The following DYM variants were observed in gnomAD, a reference collection of about 807,000 sequenced individuals.
DYM encodes dyggve-Melchior-Clausen syndrome protein.
A neutral mutation model predicts 93.1 loss-of-function variants in DYM; 78 were observed. The ratio of observed to expected loss-of-function variants is 0.84; its 90% CI spans 0.70 to 1.01. The LOEUF (loss-of-function observed/expected upper bound fraction) is 1.01, where lower values mean the gene tolerates loss of function less well. Among genes scored for constraint, DYM ranks in the 50% least tolerant of loss-of-function variants. DYM has a pLI of 0.00. For synonymous variants in DYM, 321 were observed against 319.7 expected, an observed-to-expected ratio of 1.00 and a Z score of -0.04; for missense variants, 789 against 845.0, an observed-to-expected ratio of 0.93 and a Z score of 0.82.
chr18:49,130,845 T>C (rs1313002316), intron 15 of DYM, among the ~76,000 whole-genome samples: 1 of 152,108 alleles, frequency 6.6e-6, no homozygotes, highest in East Asian at 1.9e-4. Flanking sequence ...GCACTTGGAA[T>C]AGGGTTGGGG....
intron 12 of DYM, 40 bp downstream of exon 12, chr18:49,258,340 C>T (rs1598945645): frequency 7.3e-7 from 1 of 1,362,236 alleles, no homozygotes; most frequent in East Asian, 2.3e-5. Context: ...CTTAATTGTA[C>T]TGTATGCAAA....
rs1194787137 is a variant in DYM, at chr18:49,166,999, T to C, written c.1626-3212A>G. 3.8e-4 allele frequency among the ~76,000 whole-genome samples: 32 copies of C among 84,938 alleles called. No individual in the cohort carries two copies. In the South Asian group the frequency reaches 6.5e-3, roughly 17 times the overall value. The allele number at this position is 84,938 out of a possible 152,430, so 55.7% of individuals were successfully genotyped here. ...TTCATTCTCACATTCCGTGTGTGTGTGTGTGTGTGTGTGTGTGTGTGTGTG... is the reference window on the plus strand; with the variant it reads ...TTCATTCTCACATTCCGTGTGTGTGCGTGTGTGTGTGTGTGTGTGTGTGTG... On this transcript the variant is annotated intron_variant, in intron 14 of 17. Transcript: ENST00000675505.
chr18:49,408,909 C>CA (rs1048389348), intron 2 of DYM, among the ~76,000 whole-genome samples: 3 of 152,142 alleles, frequency 2.0e-5, no homozygotes, highest in Admixed American at 1.3e-4. Flanking sequence ...TCTGGCATAA[C>CA]AAACGGCTCT....
intron 14 of DYM, among the ~76,000 whole-genome samples, chr18:49,185,280 G>A (rs944406999): frequency 6.6e-6 from 1 of 152,092 alleles, no homozygotes; most frequent in African/African-American, 2.4e-5. Context: ...AGCAACAACA[G>A]AACCTATCTG....
chr18:49,083,479 C>G (rs1001561231), intron 17 of DYM, among the ~76,000 whole-genome samples: 4 of 152,070 alleles, frequency 2.6e-5, no homozygotes, highest in African/African-American at 9.7e-5. Flanking sequence ...CCTGTGATGT[C>G]TCTGTCTGAT....
intron 2 of DYM, among the ~76,000 whole-genome samples, chr18:49,421,797 G>C (rs1056982767): frequency 1.2e-4 from 19 of 152,204 alleles, no homozygotes; most frequent in African/African-American, 4.3e-4. Flanking sequence ...AAACCGCATA[G>C]AGAAGCCCTT....
At chr18:49,140,207 TACAC>T (rs952453837) in intron 15 of DYM, among the ~76,000 whole-genome samples, 4 of 151,948 alleles carry the variant, frequency 2.6e-5, no homozygotes, top group Non-Finnish European at 5.9e-5. Context: ...CACACACACA[TACAC>T]ACACACAGTT....
At chr18:49,349,274 A>C (rs193161487) in intron 6 of DYM, among the ~76,000 whole-genome samples, 18 of 152,306 alleles carry the variant, frequency 1.2e-4, no homozygotes, top group Admixed American at 2.6e-4. Context: ...TAACTTAAAT[A>C]CTATACTGTA....
chr18:49,388,771 T>C lies in DYM; in HGVS notation c.193+2822A>G, dbSNP rs369385663. 1.4e-4 allele frequency among the ~76,000 whole-genome samples: 21 copies of C among 152,076 alleles called. No individual in the cohort carries two copies. The South Asian group carries it at 4.1e-3, about 30-fold the overall frequency. On this transcript the variant is annotated intron_variant, in intron 3 of 17. Coordinates refer to ENST00000675505, the MANE Select transcript of DYM (RefSeq NM_001353214.3). ...AGCAACAATAAGGTTGACTGCTTTCTTCACAACAAAAACAAGAAAAGCTAG... is the reference window on the plus strand; with the variant it reads ...AGCAACAATAAGGTTGACTGCTTTCCTCACAACAAAAACAAGAAAAGCTAG...
chr18:49,447,566 T>G (rs1438789229), intron 1 of DYM: 1 of 152,334 alleles, frequency 6.6e-6, no homozygotes, highest in East Asian at 1.9e-4. Context: ...ATGGAGGACT[T>G]AGCTGTCGTG....
intron 1 of DYM, among the ~76,000 whole-genome samples, chr18:49,458,630 A>G (rs550294627): frequency 6.6e-6 from 1 of 152,242 alleles, no homozygotes; most frequent in African/African-American, 2.4e-5. Context: ...TGAACTCAGG[A>G]GTTCGTGACC....
chr18:49,280,424 A>T (rs1020843140), intron 10 of DYM, among the ~76,000 whole-genome samples: 6 of 152,192 alleles, frequency 3.9e-5, no homozygotes, highest in Non-Finnish European at 8.8e-5. Flanking sequence ...TTTTCCTTTC[A>T]GCATTCTCAT....
chr18:49,292,864 T>G (rs1389142659), intron 8 of DYM, among the ~76,000 whole-genome samples: 1 of 152,192 alleles, frequency 6.6e-6, no homozygotes. Context: ...ATGGGATACA[T>G]GTACAGAAGG....
chr18:49,328,662 G>C (rs1276814596), intron 8 of DYM, among the ~76,000 whole-genome samples: 4 of 151,918 alleles, frequency 2.6e-5, no homozygotes, highest in Admixed American at 2.6e-4. Context: ...CATTTATGCA[G>C]CCAACAGACA....
At chr18:49,061,140 T>C (rs968943774) in intron 17 of DYM, among the ~76,000 whole-genome samples, 1 of 151,528 alleles carries the variant, frequency 6.6e-6, no homozygotes, top group Non-Finnish European at 1.5e-5. Context: ...ATAAAACATG[T>C]ACAAAAATAA....
intron 17 of DYM, among the ~76,000 whole-genome samples, chr18:49,054,212 TTTATG>T (rs1330027793): frequency 1.3e-5 from 2 of 152,168 alleles, no homozygotes; most frequent in Non-Finnish European, 2.9e-5. Flanking sequence ...AAAGTTTCAT[TTTATG>T]TTAATTTTAC....
chr18:49,443,403 C>G (rs1034753515), intron 1 of DYM, among the ~76,000 whole-genome samples: 2 of 152,110 alleles, frequency 1.3e-5, no homozygotes, highest in African/African-American at 4.8e-5. Flanking sequence ...GTTTACTCAA[C>G]AGCATTTCAA....
intron 2 of DYM, among the ~76,000 whole-genome samples, chr18:49,424,390 A>G (rs1483574925): frequency 6.6e-6 from 1 of 152,106 alleles, no homozygotes; most frequent in Non-Finnish European, 1.5e-5. Flanking sequence ...TGTTGATGGG[A>G]CATATCTCAA....
chr18:49,445,358 T>G (rs550716927), intron 1 of DYM, among the ~76,000 whole-genome samples: 1 of 152,222 alleles, frequency 6.6e-6, no homozygotes, highest in African/African-American at 2.4e-5. Flanking sequence ...CCAGGTAGGA[T>G]AGGTACAGAA....
Sources: gnomAD v4.1 joint callset for allele counts (sites outside exome capture counted in the v4.1 genomes callset) on GRCh38, gnomAD v4.1.1 for gene constraint, MANE v1.5 for transcripts, NCBI Gene and HGNC (gene_info 2026-07-23, HGNC 2026-07-21) for gene names.